Variants in UPP2 observed in about 807,000 individuals in gnomAD.
UPP2 encodes the protein UPase 2.
A neutral mutation model predicts 26.7 loss-of-function variants in UPP2; 23 were observed. The ratio of observed to expected loss-of-function variants is 0.86; its 90% CI spans 0.62 to 1.22. The LOEUF is 1.22. UPP2 is among the 50% of genes most tolerant of loss of function. UPP2 has a pLI of 0.00. For missense variants in UPP2, 387 were observed against 396.7 expected, an observed-to-expected ratio of 0.98 and a Z score of 0.21; for synonymous variants, 127 against 141.3, an observed-to-expected ratio of 0.90 and a Z score of 0.72.
chr2:157,995,403 G>A, intron 2 of UPP2: 1 of 911,608 alleles, frequency 1.1e-6, no homozygotes, highest in Non-Finnish European at 1.7e-6. Flanking sequence ...AATAATTAAG[G>A]GATGATGCAA....
Position 158,134,847 on chromosome 2 carries a change from T to C in UPP2, c.911T>C (p.Leu304Pro). Reference protein sequence around the residue: ...LVEYQQRPQLLISNFIRRRLG... With the variant: ...LVEYQQRPQLPISNFIRRRLG... ...GAGTACCAGCAACGGCCTCAGCTCC[T>C]AATCTCCAACTTCATCAGACGGCGG... The change falls in exon 7 of 7, where the codon CTA (leucine) becomes CCA (proline). Residue 304 changes from leucine to proline, a missense_variant. Physicochemically the swap from Leu to Pro is moderately conservative, Grantham distance 98. Coordinates refer to ENST00000005756, the MANE Select transcript of UPP2 (RefSeq NM_173355.4). 1 of 1,613,872 alleles carries C rather than the reference T, an allele frequency of 6.2e-7. No individual in the cohort carries two copies.
At chr2:158,045,325 C>G (rs1293883428) in intron 3 of UPP2, among the ~76,000 whole-genome samples, 1 of 152,122 alleles carries the variant, frequency 6.6e-6, no homozygotes, top group African/African-American at 2.4e-5. Context: ...CAGGCGAAGA[C>G]AAGGAAAACC....
At chr2:158,034,862 G>A (rs1029026522) in intron 3 of UPP2, among the ~76,000 whole-genome samples, 9 of 152,124 alleles carry the variant, frequency 5.9e-5, no homozygotes, top group Admixed American at 2.0e-4. Flanking sequence ...AAAGGTCACT[G>A]TCAGTCCAGC....
chr2:158,108,890 G>A (rs1364294261), intron 2 of UPP2, among the ~76,000 whole-genome samples: 3 of 64,714 alleles, frequency 4.6e-5, no homozygotes, highest in Non-Finnish European at 9.6e-5. Flanking sequence ...GCAAAAGCGT[G>A]TGTGTGTGTG....
At chr2:158,112,516 A>G (rs1359938209) in intron 2 of UPP2, among the ~76,000 whole-genome samples, 1 of 152,160 alleles carries the variant, frequency 6.6e-6, no homozygotes, top group Non-Finnish European at 1.5e-5. Context: ...GAAAACATAG[A>G]CATAAATCTT....
intron 3 of UPP2, chr2:158,066,063 T>C (rs4664922): frequency 0.67 from 170,564 of 254,516 alleles, 58,133 homozygotes; most frequent in Admixed American, 0.75. Context: ...CTGTTGCAGT[T>C]AATAAAACTG....
chr2:158,000,883 G>T (rs1683394323), intron 2 of UPP2, among the ~76,000 whole-genome samples: 1 of 152,216 alleles, frequency 6.6e-6, no homozygotes, highest in Admixed American at 6.5e-5. Flanking sequence ...TTCCTCATCA[G>T]TAAAGTGGAT....
chr2:158,019,795 T>C (rs961889772), intron 3 of UPP2, among the ~76,000 whole-genome samples: 2 of 152,076 alleles, frequency 1.3e-5, no homozygotes, highest in African/African-American at 4.8e-5. Context: ...TGTACATCAG[T>C]ATATATATTT....
At chr2:158,039,003 T>C (rs4664921) in intron 3 of UPP2, among the ~76,000 whole-genome samples, 53,467 of 151,980 alleles carry the variant, frequency 0.35, 10,445 homozygotes, top group African/African-American at 0.52. Flanking sequence ...TTTGGCTGGT[T>C]GCACTGAGAT....
At chr2:158,044,253 G>A in intron 3 of UPP2, among the ~76,000 whole-genome samples, 1 of 152,188 alleles carries the variant, frequency 6.6e-6, no homozygotes, top group Admixed American at 6.5e-5. Flanking sequence ...CCCCTTTACA[G>A]GCCAGTTTTG....
At chr2:158,034,385 GGCAAA>G (rs1270180009) in intron 3 of UPP2, among the ~76,000 whole-genome samples, 2 of 152,142 alleles carry the variant, frequency 1.3e-5, no homozygotes, top group Non-Finnish European at 2.9e-5. Context: ...TCACACATAG[GGCAAA>G]GGCTTCTGCT....
chr2:158,028,030 G>T (rs879340103), intron 3 of UPP2, among the ~76,000 whole-genome samples: 3 of 152,220 alleles, frequency 2.0e-5, no homozygotes, highest in Non-Finnish European at 4.4e-5. Flanking sequence ...CTCTGGGCCT[G>T]TGTTGGGAGG....
intron 3 of UPP2, among the ~76,000 whole-genome samples, chr2:158,068,803 T>TATATATATATATA (rs1491232938): frequency 4.3e-3 from 60 of 13,980 alleles, no homozygotes; most frequent in Admixed American, 4.8e-3. Flanking sequence ...TATATATATA[T>TATATATATATATA]TTTTTTTTTT....
Position 158,135,006 on chromosome 2 carries a change from A to G in UPP2, c.*116A>G. ...TAGTTCTCATCCACATGCTAAATGG[A>G]AAGACTTTATGAAATCCTTCTCTCT... On this transcript the variant is annotated 3_prime_UTR_variant, in exon 7 of 7. Transcript: ENST00000005756. The G allele has an allele frequency of 8.1e-7, 1 of 1,230,540 alleles. No homozygotes were observed. Among genetic ancestry groups the G allele is most frequent in the South Asian group, 2.3e-5 (1 of 43,200 alleles). 76.2% of individuals were successfully genotyped at this position (1,230,540 alleles called of 1,614,324 possible). A position where few individuals can be genotyped will look rare whatever the true frequency, so the allele number is the denominator to read the frequency against.
chr2:158,033,613 T>C (rs1683958098), intron 3 of UPP2, among the ~76,000 whole-genome samples: 1 of 152,130 alleles, frequency 6.6e-6, no homozygotes. Context: ...TGTAGGGCAA[T>C]TCCTTGGCAA....
chr2:158,025,077 C>T (rs762856738), intron 3 of UPP2, among the ~76,000 whole-genome samples: 91 of 152,000 alleles, frequency 6.0e-4, no homozygotes, highest in Non-Finnish European at 1.1e-3. Context: ...GGCGGGGTGC[C>T]TGTAATCCCA....
Position 158,117,954 on chromosome 2 carries a change from G to A in UPP2, c.454+16G>A. ...GGGGGAATAGGTGAGACGGATTGAT[G>A]TCTACTATTAGAACTGAGTGATCCT... On this transcript the variant is annotated intron_variant, in intron 4 of 6. Transcript: ENST00000005756. The A allele has an allele frequency of 6.3e-7, 1 of 1,579,588 alleles. No homozygotes were observed. Among genetic ancestry groups the A allele is most frequent in the South Asian group, 1.1e-5 (1 of 90,552 alleles).
At chr2:158,052,200 G>A (rs915853873) in intron 3 of UPP2, among the ~76,000 whole-genome samples, 14 of 152,150 alleles carry the variant, frequency 9.2e-5, no homozygotes, top group African/African-American at 3.1e-4. Flanking sequence ...TCTAGGTAAG[G>A]GAATAATGGG....
At chr2:158,100,112 A>C (rs1683050388), upstream of UPP2, among the ~76,000 whole-genome samples, 1 of 152,256 alleles carries the variant, frequency 6.6e-6, no homozygotes, top group South Asian at 2.1e-4. Flanking sequence ...AGTCTTGAGA[A>C]GATTGAAAGG....
Sources: allele counts gnomAD v4.1 joint callset (sites outside exome capture counted in the v4.1 genomes callset), GRCh38; gene constraint gnomAD v4.1.1; transcripts MANE v1.5; gene names NCBI Gene and HGNC (gene_info 2026-07-23, HGNC 2026-07-21).